Variants in CLK4 observed in about 807,000 individuals in gnomAD.
CLK4 encodes the protein CDC like kinase 4.
In CLK4, 37 loss-of-function variants were observed where a neutral mutation model predicts 64.4. The ratio of observed to expected loss-of-function variants is 0.57; its 90% CI spans 0.44 to 0.76. The LOEUF (loss-of-function observed/expected upper bound fraction) is 0.76. CLK4 is among the 30% of genes least tolerant of loss of function. The pLI is 0.00. For missense variants in CLK4, 457 were observed against 605.1 expected, an observed-to-expected ratio of 0.76 and a Z score of 2.57; for synonymous variants, 175 against 191.6, an observed-to-expected ratio of 0.91 and a Z score of 0.72.
At chr5:178,605,442 T>C in intron 10 of CLK4, 60 bp from the exon 11 acceptor site, 1 of 1,007,220 alleles carries the variant, frequency 9.9e-7, no homozygotes, top group Admixed American at 2.8e-5. Flanking sequence ...CACATTAACT[T>C]GTTTAATCTA....
chr5:178,618,291 T>C (rs960611267), intron 3 of CLK4: 1 of 163,226 alleles, frequency 6.1e-6, no homozygotes, highest in Non-Finnish European at 1.3e-5. Context: ...AATAAAAAAA[T>C]AGTTTTATTA....
chr5:178,612,268 T>C (rs1372577120), intron 9 of CLK4, 148 bp downstream of exon 9: 10 of 632,888 alleles, frequency 1.6e-5, no homozygotes, highest in Admixed American at 2.9e-5. Flanking sequence ...AAAGTATTTA[T>C]AGCAATGTCC....
At chr5:178,624,796 T>A (rs751622479) in intron 1 of CLK4, among the ~76,000 whole-genome samples, 1 of 152,184 alleles carries the variant, frequency 6.6e-6, no homozygotes, top group Non-Finnish European at 1.5e-5. Flanking sequence ...AGCAGAAATT[T>A]AAATGATTTT....
intron 2 of CLK4, among the ~76,000 whole-genome samples, chr5:178,621,146 A>G (rs1324736011): frequency 1.3e-5 from 2 of 152,198 alleles, no homozygotes; most frequent in East Asian, 3.8e-4. Flanking sequence ...TATTTCTCAA[A>G]GGACGGTCTA....
chr5:178,619,331 A>G (rs1382960863), intron 2 of CLK4, among the ~76,000 whole-genome samples: 2 of 152,228 alleles, frequency 1.3e-5, no homozygotes, highest in African/African-American at 4.8e-5. Flanking sequence ...GACAAAAACT[A>G]AAATATTTTC....
At chr5:178,615,650 T>C (rs1341944226) in intron 5 of CLK4, among the ~76,000 whole-genome samples, 1 of 152,202 alleles carries the variant, frequency 6.6e-6, no homozygotes, top group Non-Finnish European at 1.5e-5. Context: ...CTGAAATGCA[T>C]TTAGAGAGAG....
chr5:178,625,943 A>G (rs2113818283), intron 1 of CLK4, among the ~76,000 whole-genome samples: 1 of 152,384 alleles, frequency 6.6e-6, no homozygotes, highest in Non-Finnish European at 1.5e-5. Context: ...AAAGCTATCT[A>G]GAATCATGAC....
rs1764591202 is a variant in CLK4, at chr5:178,613,850, A to C, written c.543-7T>G. 1 of 1,600,190 alleles carries C rather than the reference A, an allele frequency of 6.2e-7. No homozygotes were observed. Reference sequence around the variant, plus strand: ...TGCTACATGCATGCCATCCCTTAAAAATAAAATTAAGATAAAAATGATAAA... The same window carrying C: ...TGCTACATGCATGCCATCCCTTAAACATAAAATTAAGATAAAAATGATAAA... On this transcript the variant is annotated splice_polypyrimidine_tract_variant and splice_region_variant and intron_variant, in intron 5 of 12. Coordinates refer to ENST00000316308, the MANE Select transcript of CLK4 (RefSeq NM_020666.3).
Position 178,617,458 on chromosome 5 carries a change from C to A in CLK4, c.385-24G>T. 1 of 1,569,358 alleles carries A rather than the reference C, an allele frequency of 6.4e-7. No homozygotes were observed. The highest frequency in any genetic ancestry group is 8.8e-7 in the Non-Finnish European group (1 of 1,140,246). On this transcript the variant is annotated intron_variant, in intron 3 of 12. Coordinates refer to ENST00000316308, the MANE Select transcript of CLK4 (RefSeq NM_020666.3). The surrounding 1 kb of genome is among the most constrained non-coding windows in gnomAD (Gnocchi z 5.2). ...TTCTGGAACGGCAAGTGGGCAGCACCAAGATCGTCCAGCCAATCAATATAT... is the reference window on the plus strand; with the variant it reads ...TTCTGGAACGGCAAGTGGGCAGCACAAAGATCGTCCAGCCAATCAATATAT...
intron 5 of CLK4, among the ~76,000 whole-genome samples, chr5:178,615,864 A>G (rs532230923): frequency 7.2e-5 from 11 of 152,342 alleles, no homozygotes; most frequent in African/African-American, 2.6e-4. Context: ...TCAAATCACA[A>G]ACTTTATTCT....
chr5:178,612,223 T>C (rs1351014729), intron 9 of CLK4, among the ~76,000 whole-genome samples, 193 bp downstream of exon 9: 1 of 152,248 alleles, frequency 6.6e-6, no homozygotes, highest in African/African-American at 2.4e-5. Flanking sequence ...CTGGAATATC[T>C]TTCCCAGACA....
intron 1 of CLK4, 41 bp downstream of exon 1, chr5:178,626,905 C>G (rs906069547): frequency 3.3e-5 from 5 of 152,834 alleles, no homozygotes; most frequent in African/African-American, 9.6e-5. Flanking sequence ...ACCTAAAGAC[C>G]GACAGCCGCC....
At chr5:178,620,082 C>T (rs1250716777) in intron 2 of CLK4, 1 of 326,606 alleles carries the variant, frequency 3.1e-6, no homozygotes, top group East Asian at 7.7e-5. Context: ...ACAACTACTA[C>T]CCAATAGGGC....
chr5:178,626,533 G>C (rs1764782213), intron 1 of CLK4, among the ~76,000 whole-genome samples: 2 of 152,344 alleles, frequency 1.3e-5, no homozygotes, highest in South Asian at 4.1e-4. Context: ...CCCCCGAAAC[G>C]CTACAAACGG....
At chr5:178,611,490 GCA>G (rs1472225327) in intron 9 of CLK4, among the ~76,000 whole-genome samples, 3 of 152,118 alleles carry the variant, frequency 2.0e-5, no homozygotes, top group Admixed American at 1.3e-4. Context: ...AGTCAGTCAC[GCA>G]CAGTGACTAG....
intron 1 of CLK4, 48 bp from the exon 2 acceptor site, chr5:178,623,464 T>C (rs199597756): frequency 6.9e-6 from 10 of 1,452,718 alleles, no homozygotes; most frequent in East Asian, 2.5e-5. Flanking sequence ...AGATGTGTGA[T>C]AGGTAAATTA....
At chr5:178,612,626 T>A in intron 8 of CLK4, 81 bp from the exon 9 acceptor site, 1 of 1,415,838 alleles carries the variant, frequency 7.1e-7, no homozygotes, top group Non-Finnish European at 9.8e-7. Flanking sequence ...ACATGAATTA[T>A]CTTCTTGATT....
chr5:178,609,398 A>G (rs986406580), intron 9 of CLK4, among the ~76,000 whole-genome samples: 3 of 152,150 alleles, frequency 2.0e-5, no homozygotes, highest in Non-Finnish European at 4.4e-5. Flanking sequence ...ATAATAGAGC[A>G]TGGGCCAGGC....
intron 1 of CLK4, among the ~76,000 whole-genome samples, chr5:178,624,410 G>T (rs1764751644): frequency 6.6e-6 from 1 of 152,178 alleles, no homozygotes; most frequent in African/African-American, 2.4e-5. Context: ...TCTATTTGTA[G>T]TAAATCTGGA....
Sources: gnomAD v4.1 joint callset for allele counts (sites outside exome capture counted in the v4.1 genomes callset) on GRCh38, gnomAD v4.1.1 for gene constraint, Gnocchi (gnomAD v3.1) non-coding constraint, MANE v1.5 for transcripts, NCBI Gene and HGNC (gene_info 2026-07-23, HGNC 2026-07-21) for gene names.